APOO: variants seen among roughly 807,000 people sequenced by gnomAD.
APOO encodes the protein MICOS complex subunit MIC26.
A neutral mutation model predicts 23.1 loss-of-function variants in APOO; 11 were observed. The observed-to-expected ratio is 0.48, with a 90% CI of 0.30 to 0.79. The LOEUF is 0.79. Ranked by LOEUF, APOO falls within the 30% of genes least tolerant of loss-of-function variation. APOO has a pLI of 0.07. For missense variants in APOO, 160 were observed against 142.7 expected (o/e 1.12, Z -0.62); for synonymous variants, 59 against 54.8 (o/e 1.08, Z -0.34).
rs1299422721 is a variant in APOO at position 23,846,032 on chromosome X, C to T, written c.562-5655G>A. 3.6e-5 allele frequency among the ~76,000 whole-genome samples: 4 copies of T among 111,626 alleles called. No homozygotes were observed. In the East Asian group the frequency reaches 8.4e-4, roughly 23 times the overall value. On this transcript the variant is annotated intron_variant, in intron 7 of 8. Transcript: ENST00000379226. ...TTATAAGACAACTCTAAGCTGGGTG[C>T]GGTGGCTCACGCCTGTAATCCCAGC...
intron 4 of APOO, among the ~76,000 whole-genome samples, chrX:23,869,114 G>A (rs1198789329): frequency 1.8e-5 from 2 of 109,157 alleles, no homozygotes; most frequent in African/African-American, 6.7e-5. Flanking sequence ...TCACCATGTT[G>A]GCCAGGCTGG....
At chrX:23,875,999 C>T (rs1925829549) in intron 3 of APOO, among the ~76,000 whole-genome samples, 1 of 110,131 alleles carries the variant, frequency 9.1e-6, no homozygotes, top group Non-Finnish European at 1.9e-5. Context: ...CACGGTGGCT[C>T]ACGGCTGTAA....
chrX:23,901,135 T>TA (rs1177868573), intron 1 of APOO, among the ~76,000 whole-genome samples: 1 of 112,142 alleles, frequency 8.9e-6, no homozygotes. Context: ...ATGTAAGTAT[T>TA]ACACTAAGCC....
intron 1 of APOO, chrX:23,883,735 T>G (rs776653262): frequency 9.0e-6 from 1 of 111,369 alleles, no homozygotes; most frequent in African/African-American, 3.3e-5. Context: ...ACACGCCCAC[T>G]GGGGCTGCAG....
intron 7 of APOO, among the ~76,000 whole-genome samples, chrX:23,846,429 C>T (rs2146971028): frequency 9.2e-6 from 1 of 109,019 alleles, no homozygotes; most frequent in African/African-American, 3.3e-5. Flanking sequence ...CAGGACCAGC[C>T]TGGCCAAGAT....
intron 8 of APOO, among the ~76,000 whole-genome samples, chrX:23,835,710 T>C (rs552869499): frequency 3.2e-5 from 3 of 94,272 alleles, no homozygotes; most frequent in East Asian, 7.6e-4. Context: ...TAGATTAATA[T>C]AGTACTGTCT....
rs985223684 is a variant in APOO at position 23,847,392 on chromosome X, C to T, written c.562-7015G>A. Among the ~76,000 whole-genome samples, 3 of 110,731 alleles carry T rather than the reference C, an allele frequency of 2.7e-5. No homozygotes were observed. The East Asian group carries it at 8.6e-4, about 32-fold the overall frequency. Reference sequence around the variant, plus strand: ...CTGTAATCCCAGCACTTTGGGAGGCCGAGGCGGGCGGATCACGAGGTCAGG... The same window carrying T: ...CTGTAATCCCAGCACTTTGGGAGGCTGAGGCGGGCGGATCACGAGGTCAGG... On this transcript the variant is annotated intron_variant, in intron 7 of 8. Transcript: ENST00000379226.
intron 1 of APOO, among the ~76,000 whole-genome samples, chrX:23,888,424 A>T (rs770495469): frequency 1.3e-4 from 15 of 112,280 alleles, no homozygotes; most frequent in Admixed American, 1.0e-3. Flanking sequence ...CTGCACACCC[A>T]CATCATGTCA....
At chrX:23,877,268 G>C (rs1207775552) in intron 3 of APOO, among the ~76,000 whole-genome samples, 1 of 111,942 alleles carries the variant, frequency 8.9e-6, no homozygotes, top group Non-Finnish European at 1.9e-5. Flanking sequence ...TAGAACAAGA[G>C]AATAAAGTCT....
At chrX:23,849,681 C>T (rs1381999286) in intron 7 of APOO, among the ~76,000 whole-genome samples, 3 of 104,217 alleles carry the variant, frequency 2.9e-5, no homozygotes, top group African/African-American at 1.1e-4. Flanking sequence ...TGCCTGAGGT[C>T]AGGAGTTTGA....
At chrX:23,904,539 C>T (rs1193636380) in intron 1 of APOO, among the ~76,000 whole-genome samples, 3 of 93,725 alleles carry the variant, frequency 3.2e-5, no homozygotes, top group Non-Finnish European at 6.3e-5. Flanking sequence ...GACGGAGTCT[C>T]GCTGTCTCCC....
chrX:23,882,649 C>CT (rs1318433652), intron 1 of APOO, among the ~76,000 whole-genome samples: 126 of 100,118 alleles, frequency 1.3e-3, no homozygotes, highest in South Asian at 1.3e-3. Flanking sequence ...AATGGACAAA[C>CT]TTTTTTTTTT....
At chrX:23,903,437 C>T (rs1335416070) in intron 1 of APOO, among the ~76,000 whole-genome samples, 2 of 110,470 alleles carry the variant, frequency 1.8e-5, no homozygotes, top group South Asian at 3.8e-4. Context: ...TCCATTTTAA[C>T]AAGAGTCACA....
Position 23,857,042 on chromosome X carries a change from C to G in APOO, c.481-660G>C, listed in dbSNP as rs755054120. ...CTTGTAATTGGGAACTAAACCTTGA[C>G]AACACATGGACACAAAGAAGGGAAC... On this transcript the variant is annotated intron_variant, in intron 6 of 8. Transcript: ENST00000379226. Among the ~76,000 whole-genome samples the G allele has an allele frequency of 6.3e-5, 7 of 110,906 alleles. No individual in the cohort carries two copies. In the South Asian group the frequency reaches 2.7e-3, roughly 42 times the overall value.
chrX:23,845,824 T>A (rs756311143), intron 7 of APOO, among the ~76,000 whole-genome samples: 3 of 112,492 alleles, frequency 2.7e-5, no homozygotes, highest in Admixed American at 9.5e-5. Context: ...TTAGAAGTTC[T>A]GCTCAGTTTT....
intron 8 of APOO, among the ~76,000 whole-genome samples, chrX:23,839,253 CA>C (rs1472857985): frequency 1.8e-5 from 2 of 112,248 alleles, no homozygotes; most frequent in Non-Finnish European, 3.8e-5. Context: ...ACTAAGGAGA[CA>C]TATTTTTGCT....
chrX:23,869,343 A>G (rs1392886418), intron 4 of APOO, among the ~76,000 whole-genome samples: 1 of 111,405 alleles, frequency 9.0e-6, no homozygotes, highest in African/African-American at 3.3e-5. Flanking sequence ...AAATACAGGG[A>G]TCCTTTGCTA....
chrX:23,883,656 C>T (rs1157829632), intron 1 of APOO: 2 of 112,062 alleles, frequency 1.8e-5, no homozygotes, highest in East Asian at 5.6e-4. Flanking sequence ...TGCAATAAGG[C>T]AGAGGGTCTA....
At chrX:23,877,949 T>G (rs937303655) in intron 3 of APOO, among the ~76,000 whole-genome samples, 6 of 111,750 alleles carry the variant, frequency 5.4e-5, no homozygotes, top group African/African-American at 1.9e-4. Context: ...ATTGTAAACG[T>G]TGGTTACTGA....
Sources: allele counts gnomAD v4.1 joint callset (sites outside exome capture counted in the v4.1 genomes callset), GRCh38; gene constraint gnomAD v4.1.1; transcripts MANE v1.5; gene names NCBI Gene and HGNC (gene_info 2026-07-23, HGNC 2026-07-21).